The following SDK1 variants were observed in gnomAD, a reference collection of about 807,000 sequenced individuals.
SDK1 encodes the protein protein sidekick-1.
In SDK1, 157 loss-of-function variants were observed where a neutral mutation model predicts 245.5. The observed-to-expected ratio is 0.64, with a 90% CI of 0.56 to 0.73. The LOEUF (loss-of-function observed/expected upper bound fraction) is 0.73. SDK1 is among the 30% of genes least tolerant of loss of function. SDK1 has a pLI of 0.00. For synonymous variants in SDK1, 1,647 were observed against 1,278.5 expected (o/e 1.29, Z -6.15); for missense variants, 3,583 against 3,002.3 (o/e 1.19, Z -4.52).
intron 42 of SDK1, among the ~76,000 whole-genome samples, chr7:4,238,042 T>C (rs1327524171): frequency 6.6e-6 from 1 of 151,718 alleles, no homozygotes; most frequent in Non-Finnish European, 1.5e-5. Flanking sequence ...GTATGAGTCA[T>C]CCAGCCTCAG....
At chr7:3,480,617 C>T (rs1255497636) in intron 1 of SDK1, among the ~76,000 whole-genome samples, 1 of 152,182 alleles carries the variant, frequency 6.6e-6, no homozygotes, top group Non-Finnish European at 1.5e-5. Flanking sequence ...CTCATTTTTT[C>T]CTTTTAAAAG....
chr7:4,158,333 A>G, intron 30 of SDK1, 115 bp from the exon 31 acceptor site: 2 of 783,548 alleles, frequency 2.6e-6, no homozygotes, highest in South Asian at 3.4e-5. Flanking sequence ...ACAGGAGCCC[A>G]GAGCTCTCAG....
chr7:4,130,447 C>G (rs2128198706), intron 27 of SDK1: 1 of 258,632 alleles, frequency 3.9e-6, no homozygotes, highest in East Asian at 8.9e-5. Flanking sequence ...GTAGTGCCCC[C>G]TTATCTGGCA....
At chr7:4,248,547 CACAT>C (rs1463541484) in intron 44 of SDK1, among the ~76,000 whole-genome samples, 3 of 151,776 alleles carry the variant, frequency 2.0e-5, no homozygotes, top group Admixed American at 6.6e-5. Flanking sequence ...CACATGCAAA[CACAT>C]ACATATACCT....
At chr7:3,457,378 T>C (rs1253582070) in intron 1 of SDK1, among the ~76,000 whole-genome samples, 1 of 152,164 alleles carries the variant, frequency 6.6e-6, no homozygotes, top group East Asian at 1.9e-4. Flanking sequence ...TTTTTCTGAT[T>C]CTTGTGCCTT....
intron 5 of SDK1, among the ~76,000 whole-genome samples, chr7:3,839,860 T>C (rs942104078): frequency 6.6e-6 from 1 of 152,220 alleles, no homozygotes; most frequent in African/African-American, 2.4e-5. Context: ...AAAATTATTG[T>C]AATATCTGTC....
intron 2 of SDK1, among the ~76,000 whole-genome samples, chr7:3,633,358 C>T (rs750565386): frequency 1.3e-5 from 2 of 152,112 alleles, no homozygotes; most frequent in Non-Finnish European, 2.9e-5. Flanking sequence ...TAAATGTTCT[C>T]CTCTGCACTG....
At chr7:3,732,824 G>C (rs1406800332) in intron 4 of SDK1, among the ~76,000 whole-genome samples, 8 of 152,210 alleles carry the variant, frequency 5.3e-5, no homozygotes, top group Non-Finnish European at 1.0e-4. Context: ...AAATATCCTT[G>C]AGATGCAGGT....
At chr7:3,340,991 A>G (rs1448540941) in intron 1 of SDK1, among the ~76,000 whole-genome samples, 2 of 152,176 alleles carry the variant, frequency 1.3e-5, no homozygotes, top group African/African-American at 4.8e-5. Flanking sequence ...GAGAAGACCT[A>G]GAAAACAGGA....
chr7:3,910,692 A>C (rs532166856), intron 5 of SDK1, among the ~76,000 whole-genome samples: 58 of 152,258 alleles, frequency 3.8e-4, no homozygotes, highest in Non-Finnish European at 2.9e-5. Context: ...TCCCAGTTGC[A>C]TGATACATAG....
At chr7:4,056,548 A>T (rs923737066) in intron 19 of SDK1, among the ~76,000 whole-genome samples, 2 of 152,114 alleles carry the variant, frequency 1.3e-5, no homozygotes, top group African/African-American at 4.8e-5. Flanking sequence ...GAACCCAGAC[A>T]GGTTCCCCAC....
chr7:4,009,003 T>C (rs186517670), intron 14 of SDK1, among the ~76,000 whole-genome samples: 1 of 152,384 alleles, frequency 6.6e-6, no homozygotes, highest in East Asian at 1.9e-4. Flanking sequence ...TACCATTTTA[T>C]ATTCAGAACA....
intron 5 of SDK1, among the ~76,000 whole-genome samples, chr7:3,835,323 T>G (rs1477477356): frequency 6.6e-6 from 1 of 152,208 alleles, no homozygotes; most frequent in Non-Finnish European, 1.5e-5. Flanking sequence ...GCATTTGACC[T>G]GCTGGTTGCG....
Position 4,220,381 on chromosome 7 carries a change from A to G in SDK1, c.5701+111A>G, listed in dbSNP as rs1289391204. On this transcript the variant is annotated intron_variant, in intron 39 of 44. Coordinates refer to ENST00000404826, the MANE Select transcript of SDK1 (RefSeq NM_152744.4). ...GGTCAACAAGGTGATGTTGGCGGCCAAGAGCTGGCATCAACTCGGGGATGT... is the reference window on the plus strand; with the variant it reads ...GGTCAACAAGGTGATGTTGGCGGCCGAGAGCTGGCATCAACTCGGGGATGT... The G allele has an allele frequency of 4.2e-6, 5 of 1,200,760 alleles. No individual in the cohort carries two copies. In the African/African-American group the frequency reaches 7.6e-5, roughly 18 times the overall value. 74.4% of individuals were successfully genotyped at this position (1,200,760 alleles called of 1,614,324 possible).
intron 2 of SDK1, among the ~76,000 whole-genome samples, chr7:3,635,888 T>C (rs1782443529): frequency 6.6e-6 from 1 of 152,180 alleles, no homozygotes. Context: ...GTATTTTTTG[T>C]AGAGAGACGG....
chr7:3,447,714 T>A (rs1195146684), intron 1 of SDK1, among the ~76,000 whole-genome samples: 2 of 148,226 alleles, frequency 1.3e-5, no homozygotes, highest in African/African-American at 5.0e-5. Context: ...TTTTTTTTTT[T>A]TTTTTTTGAG....
intron 4 of SDK1, among the ~76,000 whole-genome samples, chr7:3,817,373 T>C (rs1779535480): frequency 6.6e-6 from 1 of 152,180 alleles, no homozygotes; most frequent in African/African-American, 2.4e-5. Context: ...CTGGTTCAGG[T>C]TAGTGTCTCC....
In SDK1 at chr7:3,374,312, C is replaced by G. The variant is rs188574630; in HGVS notation, c.298+72428C>G. ...TCCTTTTCTGGAAGACTTGTGACTT[C>G]TGCCCCCAAGCTGTGCACAGGAGGA... On this transcript the variant is annotated intron_variant, in intron 1 of 44. Coordinates refer to ENST00000404826, the MANE Select transcript of SDK1 (RefSeq NM_152744.4). Among the ~76,000 whole-genome samples the G allele has an allele frequency of 5.9e-5, 9 of 152,320 alleles. No individual in the cohort carries two copies. In the East Asian group the frequency reaches 1.4e-3, roughly 23 times the overall value.
chr7:3,761,553 CAA>C (rs1307806673), intron 4 of SDK1, among the ~76,000 whole-genome samples: 3 of 99,344 alleles, frequency 3.0e-5, no homozygotes, highest in Admixed American at 1.2e-4. Flanking sequence ...GACTCCATCT[CAA>C]AAAAAAAAAA....
Sources: allele counts gnomAD v4.1 joint callset (sites outside exome capture counted in the v4.1 genomes callset), GRCh38; gene constraint gnomAD v4.1.1; transcripts MANE v1.5; gene names NCBI Gene and HGNC (gene_info 2026-07-23, HGNC 2026-07-21).